SHISAL1: variants seen among roughly 807,000 people sequenced by gnomAD.
SHISAL1 encodes the protein shisa like 1.
Under a neutral mutation model 22.6 loss-of-function variants are expected in SHISAL1, and 9 were observed. The ratio of observed to expected loss-of-function variants is 0.40; its 90% CI spans 0.24 to 0.70. The LOEUF is 0.70. Among genes scored for constraint, SHISAL1 ranks in the 30% least tolerant of loss-of-function variants. The probability of loss-of-function intolerance (pLI) is 0.39; values close to 1 mark genes in which losing one functional copy is unlikely to be tolerated. For synonymous variants in SHISAL1, 119 were observed against 115.4 expected, an observed-to-expected ratio of 1.03 and a Z score of -0.20; for missense variants, 246 against 270.6, an observed-to-expected ratio of 0.91 and a Z score of 0.64.
upstream of SHISAL1, among the ~76,000 whole-genome samples, chr22:44,317,095 A>G (rs974718249): frequency 6.6e-6 from 1 of 152,058 alleles, no homozygotes; most frequent in Non-Finnish European, 1.5e-5. Flanking sequence ...TTAACCCCCC[A>G]TCGTCGGCTG....
chr22:44,314,827 A>C (rs569650306), upstream of SHISAL1, among the ~76,000 whole-genome samples: 76 of 152,280 alleles, frequency 5.0e-4, 1 homozygote, highest in African/African-American at 1.8e-3. Flanking sequence ...TTATGGCCAA[A>C]CACCGGAACA....
intron 4 of SHISAL1, among the ~76,000 whole-genome samples, chr22:44,279,415 T>G (rs1381558754): frequency 6.6e-6 from 1 of 152,194 alleles, no homozygotes; most frequent in African/African-American, 2.4e-5. Flanking sequence ...CCCTTTTCAG[T>G]CTCCTCATTT....
intron 3 of SHISAL1, among the ~76,000 whole-genome samples, chr22:44,285,949 C>T (rs2055312402): frequency 2.0e-5 from 3 of 152,144 alleles, no homozygotes; most frequent in African/African-American, 4.8e-5. Flanking sequence ...ATCCACTGCC[C>T]GGGCCTGGTC....
intron 4 of SHISAL1, among the ~76,000 whole-genome samples, chr22:44,256,387 C>G (rs140722301): frequency 6.6e-6 from 1 of 152,170 alleles, no homozygotes. Flanking sequence ...TTTGGAATTC[C>G]TCAACCTGCA....
chr22:44,287,205 C>T (rs1384515771), intron 3 of SHISAL1, among the ~76,000 whole-genome samples: 8 of 152,242 alleles, frequency 5.3e-5, no homozygotes, highest in Admixed American at 2.0e-4. Context: ...CTCCCAGTCT[C>T]GACTTCCAGG....
At chr22:44,330,570 G>A in the SHISAL1 span, among the ~76,000 whole-genome samples, 1 of 152,212 alleles carries the variant, frequency 6.6e-6, no homozygotes, top group Admixed American at 6.5e-5. Flanking sequence ...GACCCTAGGG[G>A]GCATGGACCC....
intron 3 of SHISAL1, among the ~76,000 whole-genome samples, chr22:44,288,316 G>A (rs540752852): frequency 3.3e-5 from 5 of 152,320 alleles, no homozygotes; most frequent in South Asian, 4.1e-4. Flanking sequence ...TGCCTTGGCT[G>A]CGGCCACCCG....
intron 4 of SHISAL1, among the ~76,000 whole-genome samples, chr22:44,268,266 C>T (rs2055178810): frequency 1.3e-5 from 2 of 152,152 alleles, no homozygotes; most frequent in South Asian, 4.1e-4. Context: ...CATCGACAGC[C>T]TCTGTCCATA....
At chr22:44,266,528 ATGTGTG>A (rs11473448) in intron 4 of SHISAL1, among the ~76,000 whole-genome samples, 91 of 108,414 alleles carry the variant, frequency 8.4e-4, no homozygotes, top group African/African-American at 2.7e-3. Flanking sequence ...GCTTTGGGGT[ATGTGTG>A]TGTGTGTGTG....
At chr22:44,277,539 G>A (rs1471383809) in intron 4 of SHISAL1, among the ~76,000 whole-genome samples, 1 of 152,240 alleles carries the variant, frequency 6.6e-6, no homozygotes, top group Non-Finnish European at 1.5e-5. Flanking sequence ...GAGGGTGAGT[G>A]AGTGCTGGAT....
intron 4 of SHISAL1, among the ~76,000 whole-genome samples, chr22:44,254,403 C>A (rs1485478463): frequency 6.6e-6 from 1 of 152,068 alleles, no homozygotes. Flanking sequence ...CTCTGTCACT[C>A]TAGCTGGAGT....
rs147545236 is a variant in SHISAL1 at position 44,298,111 on chromosome 22, T to G, written c.68-1226A>C. Among the ~76,000 whole-genome samples, 612 of 152,322 alleles carry G rather than the reference T, an allele frequency of 4.0e-3. 4 individuals are homozygous for G. The highest frequency in any genetic ancestry group is 0.014 in the African/African-American group (580 of 41,572). On this transcript the variant is annotated intron_variant, in intron 2 of 4. Coordinates refer to ENST00000381176, the MANE Select transcript of SHISAL1 (RefSeq NM_001099294.2). ...GCACCCTCTTCTGTGGGGATGGGCA[T>G]GACCACTGCGAGAGAAAGGTCTCAG...
At chr22:44,305,871 G>A (rs372883119) in intron 1 of SHISAL1, among the ~76,000 whole-genome samples, 3 of 152,166 alleles carry the variant, frequency 2.0e-5, no homozygotes, top group Non-Finnish European at 4.4e-5. Flanking sequence ...TGGATGAAGG[G>A]GTCTGGGGGA....
intron 4 of SHISAL1, among the ~76,000 whole-genome samples, chr22:44,266,352 G>A (rs1165425683): frequency 6.6e-6 from 1 of 151,654 alleles, no homozygotes; most frequent in Non-Finnish European, 1.5e-5. Flanking sequence ...GATGGATGGG[G>A]ATGGGGAGTG....
upstream of SHISAL1, among the ~76,000 whole-genome samples, chr22:44,314,389 G>C (rs1172836399): frequency 1.3e-5 from 2 of 152,166 alleles, no homozygotes; most frequent in Non-Finnish European, 2.9e-5. Context: ...CTGTCTCTCT[G>C]AGCCTGGACT....
chr22:44,323,793 T>C, the SHISAL1 span, among the ~76,000 whole-genome samples: 1 of 152,264 alleles, frequency 6.6e-6, no homozygotes, highest in Admixed American at 6.5e-5. Context: ...CCTTCCAGGA[T>C]AGAGAGAGGC....
rs547621809 is a variant in SHISAL1 at position 44,260,570 on chromosome 22, G to T, written c.*-10885C>A. ...GGTCCAGGTGATGGTCGAAGCCTTT[G>T]CTTGGTTTCCCCGGGAATGGTAAGC... On this transcript the variant is annotated intron_variant, in intron 4 of 4. Coordinates refer to ENST00000381176, the MANE Select transcript of SHISAL1 (RefSeq NM_001099294.2). 2.0e-5 allele frequency among the ~76,000 whole-genome samples: 3 copies of T among 152,338 alleles called. No individual in the cohort carries two copies. The South Asian group carries it at 6.2e-4, about 32-fold the overall frequency.
intron 4 of SHISAL1, among the ~76,000 whole-genome samples, chr22:44,281,469 G>A (rs1421768868): frequency 6.6e-6 from 1 of 152,022 alleles, no homozygotes; most frequent in South Asian, 2.1e-4. Flanking sequence ...TGTGTAGGGG[G>A]TAGTGCTGCC....
At position 44,245,172 on chromosome 22, in the gene SHISAL1, G is replaced by A. The variant is rs3810624; in HGVS notation, c.*4513C>T. ...AGCAGGATGATTAAGAATTCCTGCA[G>A]TTTGCTTCCATGATTCCAACCCTAG... On this transcript the variant is annotated 3_prime_UTR_variant, in exon 5 of 5. Coordinates refer to ENST00000381176, the MANE Select transcript of SHISAL1 (RefSeq NM_001099294.2). 9,348 of 152,308 alleles carry A rather than the reference G, an allele frequency of 0.061. 358 individuals are homozygous for A. Among genetic ancestry groups the A allele is most frequent in the East Asian group, 0.093 (480 of 5,134 alleles). 9.4% of individuals were successfully genotyped at this position (152,308 alleles called of 1,614,324 possible). A position where few individuals can be genotyped will look rare whatever the true frequency, so the allele number is the denominator to read the frequency against.
Sources: gnomAD v4.1 joint callset for allele counts (sites outside exome capture counted in the v4.1 genomes callset) on GRCh38, gnomAD v4.1.1 for gene constraint, MANE v1.5 for transcripts, NCBI Gene and HGNC (gene_info 2026-07-23, HGNC 2026-07-21) for gene names.